IRAK1BP1: variants seen among roughly 807,000 people sequenced by gnomAD.
IRAK1BP1 encodes the protein interleukin 1 receptor associated kinase 1 binding protein 1.
IRAK1BP1 carries 24 observed loss-of-function variants against 28.0 expected under a neutral mutation model. The observed-to-expected ratio is 0.86, with a 90% CI of 0.62 to 1.20. The LOEUF is 1.20. Among genes scored for constraint, IRAK1BP1 ranks in the 50% most tolerant of loss-of-function variants. The pLI, the probability that IRAK1BP1 is intolerant of heterozygous loss-of-function variation, is 0.00. For missense variants in IRAK1BP1, 336 were observed against 316.7 expected, an observed-to-expected ratio of 1.06 and a Z score of -0.46; for synonymous variants, 131 against 116.3, an observed-to-expected ratio of 1.13 and a Z score of -0.81.
chr6:78,898,048 C>T lies in IRAK1BP1; in HGVS notation c.513-16C>T, dbSNP rs1327457805. ...ATTGAGTGTCATATTAATAATCTCT[C>T]CATTTAATTCCTAAGACGGCAAGCC... On this transcript the variant is annotated splice_polypyrimidine_tract_variant and intron_variant, in intron 3 of 3. Transcript: ENST00000369940. 14 of 1,604,826 alleles carry T rather than the reference C, an allele frequency of 8.7e-6. No individual in the cohort carries two copies. Among genetic ancestry groups the T allele is most frequent in the Non-Finnish European group, 1.2e-5 (14 of 1,175,290 alleles).
chr6:78,946,545 T>C (rs1370540468), downstream of IRAK1BP1: 1 of 1,383,454 alleles, frequency 7.2e-7, no homozygotes, highest in Middle Eastern at 2.7e-4. Flanking sequence ...TACACTAGTA[T>C]AGCTTTAGTT....
intron 1 of IRAK1BP1, among the ~76,000 whole-genome samples, chr6:78,884,533 A>G (rs1771344220): frequency 6.6e-6 from 1 of 152,134 alleles, no homozygotes; most frequent in Admixed American, 6.6e-5. Flanking sequence ...CTCAGGTTAG[A>G]TGTTTCAATA....
At chr6:78,885,542 A>G in intron 2 of IRAK1BP1, 99 bp downstream of exon 2, 4 of 555,300 alleles carry the variant, frequency 7.2e-6, no homozygotes, top group Non-Finnish European at 9.6e-6. Flanking sequence ...TTCTCATGAT[A>G]TTAATAGAAG....
chr6:78,970,227 A>T, the IRAK1BP1 span: 1 of 1,487,398 alleles, frequency 6.7e-7, no homozygotes, highest in African/African-American at 1.4e-5. Context: ...ACCACAAAAT[A>T]GACTGCTAAA....
chr6:78,954,717 A>C, the IRAK1BP1 span: 3 of 747,612 alleles, frequency 4.0e-6, no homozygotes, highest in Middle Eastern at 2.4e-4. Flanking sequence ...ATAAAGAAAT[A>C]AACTATAATC....
At chr6:78,881,495 A>G (rs1489327059) in intron 1 of IRAK1BP1, among the ~76,000 whole-genome samples, 3 of 152,146 alleles carry the variant, frequency 2.0e-5, no homozygotes, top group African/African-American at 7.2e-5. Context: ...GTAAATCACA[A>G]ATAGTGAAGC....
chr6:78,915,856 A>G (rs1772547043), intron 4 of IRAK1BP1, among the ~76,000 whole-genome samples: 1 of 152,168 alleles, frequency 6.6e-6, no homozygotes, highest in Non-Finnish European at 1.5e-5. Context: ...GGACAAACCC[A>G]TATGTCCAGA....
intron 4 of IRAK1BP1, among the ~76,000 whole-genome samples, chr6:78,932,317 G>C (rs1773070192): frequency 6.6e-6 from 1 of 151,908 alleles, no homozygotes; most frequent in Non-Finnish European, 1.5e-5. Flanking sequence ...ATGGCATCTA[G>C]AATGGTGAAT....
downstream of IRAK1BP1, among the ~76,000 whole-genome samples, chr6:78,949,396 C>A (rs1230199332): frequency 6.6e-6 from 1 of 152,130 alleles, no homozygotes; most frequent in East Asian, 1.9e-4. Flanking sequence ...CCACAATCAG[C>A]TCCTTTTCTC....
At chr6:78,875,428 C>G (rs1770962325) in intron 1 of IRAK1BP1, among the ~76,000 whole-genome samples, 1 of 152,126 alleles carries the variant, frequency 6.6e-6, no homozygotes, top group Admixed American at 6.5e-5. Context: ...GACACATTCA[C>G]TTGTATGTTT....
chr6:78,885,351 C>T (rs964665357), intron 1 of IRAK1BP1, 27 bp from the exon 2 acceptor site: 3 of 1,331,188 alleles, frequency 2.3e-6, no homozygotes, highest in South Asian at 1.2e-5. Context: ...ATTTAGTAAT[C>T]ATACTCTTGG....
the IRAK1BP1 span, chr6:78,969,786 GA>G: frequency 6.6e-5 from 56 of 846,240 alleles, no homozygotes; most frequent in African/African-American, 1.7e-4. Flanking sequence ...CACTTACTAA[GA>G]AAAAAAAACC....
intron 4 of IRAK1BP1, among the ~76,000 whole-genome samples, chr6:78,908,329 C>T (rs1448631616): frequency 1.3e-5 from 2 of 151,992 alleles, no homozygotes; most frequent in Non-Finnish European, 2.9e-5. Flanking sequence ...GGGATTAAGG[C>T]GTGAGCCACC....
chr6:78,970,679 T>C, the IRAK1BP1 span: 1 of 711,560 alleles, frequency 1.4e-6, no homozygotes, highest in Non-Finnish European at 2.3e-6. Flanking sequence ...GGTATCTTCA[T>C]GATGCAGTTT....
intron 4 of IRAK1BP1, among the ~76,000 whole-genome samples, chr6:78,924,006 G>T (rs1050342433): frequency 6.6e-6 from 1 of 152,082 alleles, no homozygotes; most frequent in African/African-American, 2.4e-5. Flanking sequence ...ACAATTAAAA[G>T]AACTAGAGAA....
the IRAK1BP1 span, chr6:78,969,920 A>T: frequency 6.3e-7 from 1 of 1,586,026 alleles, no homozygotes; most frequent in Non-Finnish European, 8.6e-7. Context: ...CATGGTATCT[A>T]ATTACAAACA....
intron 2 of IRAK1BP1, among the ~76,000 whole-genome samples, chr6:78,886,674 A>G (rs1003574073): frequency 1.3e-5 from 2 of 152,184 alleles, no homozygotes; most frequent in Non-Finnish European, 2.9e-5. Context: ...GGGAATAATA[A>G]GAAAAAAGAA....
intron 4 of IRAK1BP1, among the ~76,000 whole-genome samples, chr6:78,944,455 T>G (rs1773692692): frequency 6.6e-6 from 1 of 151,918 alleles, no homozygotes; most frequent in Non-Finnish European, 1.5e-5. Context: ...AGGAAAATAG[T>G]CCAAGCAAGA....
chr6:78,977,381 TG>T, the IRAK1BP1 span, among the ~76,000 whole-genome samples: 2 of 143,598 alleles, frequency 1.4e-5, no homozygotes, highest in Non-Finnish European at 3.0e-5. Context: ...TGTTGTGGGG[TG>T]GGGGACGGGG....
Sources: allele counts gnomAD v4.1 joint callset (sites outside exome capture counted in the v4.1 genomes callset), GRCh38; gene constraint gnomAD v4.1.1; transcripts MANE v1.5; gene names NCBI Gene and HGNC (gene_info 2026-07-23, HGNC 2026-07-21).